Variants in KCNT2 observed in about 807,000 individuals in gnomAD.
KCNT2 encodes the protein potassium channel subfamily T member 2.
Under a neutral mutation model 153.8 loss-of-function variants are expected in KCNT2, and 67 were observed. The observed-to-expected ratio is 0.44, with a 90% CI of 0.36 to 0.53. The LOEUF (loss-of-function observed/expected upper bound fraction) is 0.53, where lower values mean the gene tolerates loss of function less well. Among genes scored for constraint, KCNT2 ranks in the 20% least tolerant of loss-of-function variants. The probability of loss-of-function intolerance (pLI) is 0.00; values close to 1 mark genes in which losing one functional copy is unlikely to be tolerated. For synonymous variants in KCNT2, 500 were observed against 458.8 expected (o/e 1.09, Z -1.15); for missense variants, 975 against 1,354.8 (o/e 0.72, Z 4.40).
chr1:196,432,372 G>T (rs1674240470), intron 8 of KCNT2, among the ~76,000 whole-genome samples: 2 of 152,096 alleles, frequency 1.3e-5, no homozygotes, highest in Admixed American at 1.3e-4. Flanking sequence ...CAGAGCTGTA[G>T]TCAGCAGCAT....
intron 3 of KCNT2, among the ~76,000 whole-genome samples, chr1:196,484,173 C>A (rs1353327253): frequency 6.6e-6 from 1 of 152,052 alleles, no homozygotes; most frequent in East Asian, 1.9e-4. Flanking sequence ...TGGTAATTAA[C>A]ATAGACTTAT....
chr1:196,330,092 G>A (rs1458563792), intron 18 of KCNT2, among the ~76,000 whole-genome samples: 2 of 148,502 alleles, frequency 1.3e-5, no homozygotes, highest in Non-Finnish European at 3.0e-5. Flanking sequence ...CATCTCAATG[G>A]GCCCAGATGA....
At chr1:196,603,488 A>G (rs1558127984) in intron 1 of KCNT2, among the ~76,000 whole-genome samples, 1 of 152,322 alleles carries the variant, frequency 6.6e-6, no homozygotes, top group East Asian at 1.9e-4. Context: ...TGATTATGTA[A>G]AGCAATATAT....
In KCNT2 at chr1:196,410,533, G is replaced by A. The variant is rs924867987; in HGVS notation, c.1186-11862C>T. 4.0e-5 allele frequency among the ~76,000 whole-genome samples: 6 copies of A among 150,922 alleles called. No individual in the cohort carries two copies. In the South Asian group the frequency reaches 1.0e-3, roughly 26 times the overall value. On this transcript the variant is annotated intron_variant, in intron 12 of 27. Transcript: ENST00000294725. Reference sequence around the variant, plus strand: ...ATACACATATGTAACTAACCTGCACGTTGTGCACATGTACCCTAAAACTTA... The same window carrying A: ...ATACACATATGTAACTAACCTGCACATTGTGCACATGTACCCTAAAACTTA...
At chr1:196,505,317 C>G (rs1413916514) in intron 1 of KCNT2, among the ~76,000 whole-genome samples, 1 of 152,180 alleles carries the variant, frequency 6.6e-6, no homozygotes, top group African/African-American at 2.4e-5. Flanking sequence ...AACCAGTTTT[C>G]CCGGCACCAT....
At chr1:196,537,221 A>T (rs567528615) in intron 1 of KCNT2, among the ~76,000 whole-genome samples, 2 of 152,334 alleles carry the variant, frequency 1.3e-5, no homozygotes, top group African/African-American at 4.8e-5. Flanking sequence ...TCAGTGGCTA[A>T]CATAATATCA....
At chr1:196,528,892 G>A (rs1323553044) in intron 1 of KCNT2, among the ~76,000 whole-genome samples, 2 of 152,056 alleles carry the variant, frequency 1.3e-5, no homozygotes, top group South Asian at 2.1e-4. Context: ...GACATGATAC[G>A]ATTGTGCATT....
At chr1:196,405,108 A>T (rs1281504818) in intron 12 of KCNT2, among the ~76,000 whole-genome samples, 1 of 151,672 alleles carries the variant, frequency 6.6e-6, no homozygotes, top group East Asian at 2.0e-4. Context: ...GAAATAGAAA[A>T]GAAAAATTTT....
intron 12 of KCNT2, among the ~76,000 whole-genome samples, chr1:196,412,246 T>C (rs949957297): frequency 2.0e-5 from 3 of 151,744 alleles, no homozygotes; most frequent in African/African-American, 7.2e-5. Flanking sequence ...TAATGTCAAT[T>C]CTTACTAGTA....
chr1:196,379,870 A>G (rs1439913959), intron 13 of KCNT2, among the ~76,000 whole-genome samples: 1 of 152,138 alleles, frequency 6.6e-6, no homozygotes, highest in African/African-American at 2.4e-5. Context: ...ACCTCATAGA[A>G]TTGTCTGAGG....
chr1:196,387,667 T>C (rs1015744629), intron 13 of KCNT2, among the ~76,000 whole-genome samples: 2 of 151,962 alleles, frequency 1.3e-5, no homozygotes, highest in Non-Finnish European at 2.9e-5. Context: ...TGATTAGTGA[T>C]ATTGACAATC....
intron 16 of KCNT2, among the ~76,000 whole-genome samples, chr1:196,338,962 A>AAAAAAAAAAAAAAAAAAAAAG: frequency 6.6e-6 from 1 of 151,154 alleles, no homozygotes; most frequent in African/African-American, 2.4e-5. Flanking sequence ...AAAAAAAAAA[A>AAAAAAAAAAAAAAAAAAAAAG]AAAAAAAAAA....
intron 1 of KCNT2, among the ~76,000 whole-genome samples, chr1:196,591,565 T>C (rs1024354862): frequency 1.7e-4 from 26 of 152,180 alleles, no homozygotes; most frequent in African/African-American, 6.3e-4. Context: ...CAGGGCAATG[T>C]GGACTGACCT....
intron 1 of KCNT2, among the ~76,000 whole-genome samples, chr1:196,516,157 G>T (rs1682032995): frequency 6.6e-6 from 1 of 152,154 alleles, no homozygotes; most frequent in Admixed American, 6.5e-5. Flanking sequence ...GCACCTCCCA[G>T]GATAAGACCC....
At chr1:196,230,430 T>C (rs1291537667) in intron 27 of KCNT2, among the ~76,000 whole-genome samples, 1 of 152,054 alleles carries the variant, frequency 6.6e-6, no homozygotes, top group Non-Finnish European at 1.5e-5. Context: ...ATAAGGCACC[T>C]GGTCACCCAA....
chr1:196,578,581 T>G (rs1012061578), intron 1 of KCNT2, among the ~76,000 whole-genome samples: 3 of 152,182 alleles, frequency 2.0e-5, no homozygotes, highest in African/African-American at 7.2e-5. Flanking sequence ...GTCTACCTAC[T>G]GCAGGGGCTA....
intron 1 of KCNT2, among the ~76,000 whole-genome samples, chr1:196,511,147 ACACACACAC>A (rs1207468802): frequency 7.9e-5 from 12 of 150,966 alleles, no homozygotes; most frequent in Non-Finnish European, 1.3e-4. Flanking sequence ...ACACACACAC[ACACACACAC>A]AACTTTTTAA....
At chr1:196,385,002 C>A (rs1198917520) in intron 13 of KCNT2, among the ~76,000 whole-genome samples, 5 of 151,950 alleles carry the variant, frequency 3.3e-5, no homozygotes, top group Non-Finnish European at 7.4e-5. Flanking sequence ...CACTTAATAA[C>A]CCAAATAAAC....
At position 196,559,391 on chromosome 1, in the gene KCNT2, C is replaced by T. The variant is rs572595074; in HGVS notation, c.95+48824G>A. ...TTCATTAATTAATAGGCCATTCCTCCAATTTTGAATATTTCGATTGTTTCC... is the reference window on the plus strand; with the variant it reads ...TTCATTAATTAATAGGCCATTCCTCTAATTTTGAATATTTCGATTGTTTCC... On this transcript the variant is annotated intron_variant, in intron 1 of 27. Coordinates refer to ENST00000294725, the MANE Select transcript of KCNT2 (RefSeq NM_198503.5). Among the ~76,000 whole-genome samples the T allele has an allele frequency of 2.0e-5, 3 of 151,778 alleles. No individual in the cohort carries two copies. In the South Asian group the frequency reaches 6.2e-4, roughly 31 times the overall value.
Sources: allele counts gnomAD v4.1 joint callset (sites outside exome capture counted in the v4.1 genomes callset), GRCh38; gene constraint gnomAD v4.1.1; transcripts MANE v1.5; gene names NCBI Gene and HGNC (gene_info 2026-07-23, HGNC 2026-07-21).